Variants in FRAS1 observed in about 807,000 individuals in gnomAD.
FRAS1 encodes the protein extracellular matrix organizing protein FRAS1.
Under a neutral mutation model 435.2 loss-of-function variants are expected in FRAS1, and 290 were observed. That is an observed-to-expected ratio of 0.67 (90% confidence interval 0.61 to 0.73). The LOEUF (loss-of-function observed/expected upper bound fraction) is 0.73. Among genes scored for constraint, FRAS1 ranks in the 30% least tolerant of loss-of-function variants. The probability of loss-of-function intolerance (pLI) is 0.00; values close to 1 mark genes in which losing one functional copy is unlikely to be tolerated. For synonymous variants in FRAS1, 1,800 were observed against 1,851.0 expected (o/e 0.97, Z 0.71); for missense variants, 4,860 against 5,001.5 (o/e 0.97, Z 0.85).
intron 29 of FRAS1, among the ~76,000 whole-genome samples, chr4:78,389,553 C>A (rs1732363837): frequency 6.6e-6 from 1 of 152,214 alleles, no homozygotes; most frequent in African/African-American, 2.4e-5. Context: ...AGATAGCCAC[C>A]TTGCAACTCA....
rs570253481 is a variant in FRAS1 at position 78,089,029 on chromosome 4, G to A, written c.108+23013G>A. 8.3e-4 allele frequency among the ~76,000 whole-genome samples: 127 copies of A among 152,098 alleles called. 1 individual carries two copies. Among genetic ancestry groups the A allele is most frequent in the Admixed American group, 6.5e-3 (99 of 15,274 alleles). On this transcript the variant is annotated intron_variant, in intron 2 of 73. Transcript: ENST00000512123. Reference sequence around the variant, plus strand: ...CAATAGCAAAGACATGGAACCAACCGAAATGTCCAACAATGATAGACTGGA... The same window carrying A: ...CAATAGCAAAGACATGGAACCAACCAAAATGTCCAACAATGATAGACTGGA...
intron 47 of FRAS1, among the ~76,000 whole-genome samples, chr4:78,462,090 G>A (rs998533423): frequency 3.1e-4 from 47 of 149,882 alleles, no homozygotes; most frequent in East Asian, 1.4e-3. Context: ...ACTTTACGCC[G>A]GAAGCAAAGG....
At chr4:78,389,185 A>G (rs890348517) in intron 29 of FRAS1, among the ~76,000 whole-genome samples, 15 of 152,214 alleles carry the variant, frequency 9.9e-5, no homozygotes, top group African/African-American at 3.6e-4. Flanking sequence ...GTTTCACTGG[A>G]TGCCCTTTAC....
At chr4:78,356,110 A>T (rs540901226) in intron 20 of FRAS1, among the ~76,000 whole-genome samples, 1 of 152,162 alleles carries the variant, frequency 6.6e-6, no homozygotes, top group African/African-American at 2.4e-5. Context: ...CCTCTTAATT[A>T]TGTTTAGATT....
At chr4:78,287,274 C>T (rs1727657614) in intron 14 of FRAS1, among the ~76,000 whole-genome samples, 1 of 152,158 alleles carries the variant, frequency 6.6e-6, no homozygotes, top group African/African-American at 2.4e-5. Flanking sequence ...ATCCAATCAC[C>T]TCCCACCAGG....
At chr4:78,213,350 T>C (rs751139799) in intron 2 of FRAS1, among the ~76,000 whole-genome samples, 7 of 152,280 alleles carry the variant, frequency 4.6e-5, no homozygotes, top group Non-Finnish European at 1.0e-4. Context: ...TTCAAGTGCT[T>C]TCCACTTGGG....
At chr4:78,181,768 C>T in intron 2 of FRAS1, 4 of 1,610,822 alleles carry the variant, frequency 2.5e-6, no homozygotes, top group Non-Finnish European at 2.5e-6. Context: ...GCTGCGTCTC[C>T]TCTTTCTTGT....
chr4:78,313,953 T>C lies in FRAS1; in HGVS notation c.1679-1641T>C, dbSNP rs541445580. On this transcript the variant is annotated intron_variant, in intron 15 of 73. Transcript: ENST00000512123. ...CTGGTTCCTAAGTATAGTGAAACTT[T>C]TCAGATGTTATTTGTCCTCTCTGCA... Among the ~76,000 whole-genome samples, 37 of 152,320 alleles carry C rather than the reference T, an allele frequency of 2.4e-4. 1 individual carries two copies. In the South Asian group the frequency reaches 7.5e-3, roughly 31 times the overall value.
intron 40 of FRAS1, among the ~76,000 whole-genome samples, chr4:78,440,176 G>A (rs1021346998): frequency 2.6e-5 from 4 of 151,166 alleles, no homozygotes; most frequent in Admixed American, 6.6e-5. Flanking sequence ...GACTACAGGC[G>A]CCCGCCACCG....
At chr4:78,318,678 T>G (rs1729373468) in intron 17 of FRAS1, 132 bp from the exon 18 acceptor site, 2 of 854,166 alleles carry the variant, frequency 2.3e-6, no homozygotes, top group Admixed American at 3.0e-5. Context: ...GTGCTTTGTA[T>G]AGAACATTAG....
chr4:78,101,488 C>A (rs1321083212), intron 2 of FRAS1, among the ~76,000 whole-genome samples: 1 of 152,146 alleles, frequency 6.6e-6, no homozygotes, highest in Non-Finnish European at 1.5e-5. Context: ...TTCCTTCTCC[C>A]ACCTGCATTT....
At chr4:78,181,141 C>T (rs1721982696) in intron 2 of FRAS1, 1 of 1,580,130 alleles carries the variant, frequency 6.3e-7, no homozygotes, top group Non-Finnish European at 8.7e-7. Flanking sequence ...TCTTCCACTG[C>T]CCATCAGCAC....
intron 61 of FRAS1, among the ~76,000 whole-genome samples, chr4:78,504,343 G>A (rs537642338): frequency 9.9e-5 from 15 of 152,230 alleles, no homozygotes; most frequent in Admixed American, 2.6e-4. Flanking sequence ...CATTATTATT[G>A]TGTGGGAATC....
intron 2 of FRAS1, among the ~76,000 whole-genome samples, chr4:78,146,837 T>C (rs375686580): frequency 1.3e-5 from 2 of 152,308 alleles, no homozygotes; most frequent in East Asian, 3.9e-4. Flanking sequence ...TGATTTCTTG[T>C]ATCACTTTTA....
chr4:78,537,107 T>A lies in FRAS1; in HGVS notation c.11205T>A (p.Pro3735=). The A allele has an allele frequency of 6.2e-7, 1 of 1,614,028 alleles. No individual in the cohort carries two copies. The highest frequency in any genetic ancestry group is 8.5e-7 in the Non-Finnish European group (1 of 1,179,890). ...YLCTGKDGYV[P]FFDPTGTIYN... is the part of the protein sequence containing the mutation. ...GTACGGGCAAGGATGGTTATGTGCC[T>A]TTCTTTGATCCCACGGGGACAATCT... Residue 3735 remains proline (P), a synonymous_variant, in exon 72 of 74, where the codon CCT becomes CCA. Transcript: ENST00000512123.
intron 25 of FRAS1, among the ~76,000 whole-genome samples, chr4:78,375,240 G>C (rs890015718): frequency 6.6e-6 from 1 of 152,224 alleles, no homozygotes; most frequent in Non-Finnish European, 1.5e-5. Flanking sequence ...AATGGTGGTA[G>C]TAGAAAAATT....
In FRAS1 at chr4:78,252,463, C is replaced by T. The variant is rs775861842; in HGVS notation, c.381C>T (p.Pro127=). The change falls in exon 5 of 74, where the codon CCC becomes CCT. Residue 127 remains proline, a synonymous_variant. Coordinates refer to ENST00000512123, the MANE Select transcript of FRAS1 (RefSeq NM_025074.7). ...ATCATGGGGAAGTCCGATGTACCCC[C>T]CAACCATGCCCACCGCTGTCATGTG... ...SCNHGEVRCT[P]QPCPPLSCGH... is the part of the protein sequence containing the mutation. The T allele has an allele frequency of 4.9e-5, 79 of 1,613,668 alleles. No homozygotes were observed. Among genetic ancestry groups the T allele is most frequent in the Non-Finnish European group, 6.7e-5 (79 of 1,179,834 alleles).
intron 2 of FRAS1, among the ~76,000 whole-genome samples, chr4:78,076,142 G>C (rs1740627418): frequency 6.6e-6 from 1 of 152,094 alleles, no homozygotes; most frequent in African/African-American, 2.4e-5. Context: ...TTTCTCTGTA[G>C]AGCTTTGGAG....
chr4:78,072,652 A>G (rs1395048220), intron 2 of FRAS1, among the ~76,000 whole-genome samples: 1 of 152,110 alleles, frequency 6.6e-6, no homozygotes, highest in East Asian at 1.9e-4. Context: ...CTTGTATTGA[A>G]TATTGTAGGA....
Sources: allele counts gnomAD v4.1 joint callset (sites outside exome capture counted in the v4.1 genomes callset), GRCh38; gene constraint gnomAD v4.1.1; transcripts MANE v1.5; gene names NCBI Gene and HGNC (gene_info 2026-07-23, HGNC 2026-07-21).